CRPPA: variants seen among roughly 807,000 people sequenced by gnomAD.
CRPPA encodes the protein D-ribitol-5-phosphate cytidylyltransferase.
Under a neutral mutation model 52.0 loss-of-function variants are expected in CRPPA, and 43 were observed. The ratio of observed to expected loss-of-function variants is 0.83; its 90% CI spans 0.65 to 1.07. The LOEUF (loss-of-function observed/expected upper bound fraction) is 1.07. Ranked by LOEUF, CRPPA falls within the 50% of genes least tolerant of loss-of-function variation. The pLI, the probability that CRPPA is intolerant of heterozygous loss-of-function variation, is 0.00. For synonymous variants in CRPPA, 250 were observed against 203.5 expected, an observed-to-expected ratio of 1.23 and a Z score of -1.94; for missense variants, 629 against 551.7, an observed-to-expected ratio of 1.14 and a Z score of -1.40.
intron 9 of CRPPA, among the ~76,000 whole-genome samples, chr7:16,133,751 CA>C (rs2128373512): frequency 8.0e-6 from 1 of 124,276 alleles, no homozygotes; most frequent in East Asian, 3.5e-4. Flanking sequence ...ATGGCATTAC[CA>C]AACAAAAAAG....
At chr7:16,330,215 G>C (rs537518130) in intron 3 of CRPPA, among the ~76,000 whole-genome samples, 3 of 152,188 alleles carry the variant, frequency 2.0e-5, no homozygotes, top group Non-Finnish European at 4.4e-5. Context: ...TTTATATTTT[G>C]TAAGCTTATG....
In CRPPA at chr7:16,389,918, A is replaced by ATAT. The variant is rs1244722979; in HGVS notation, c.535-13678_535-13677insATA. On this transcript the variant is annotated intron_variant, in intron 2 of 9. Transcript: ENST00000407010. ...CAGAGAACAAGCCTAGTATACAAAA[A>ATAT]AAAAAAAAAAATATATATATATATA... Among the ~76,000 whole-genome samples, 23 of 62,996 alleles carry ATAT rather than the reference A, an allele frequency of 3.7e-4. 1 individual carries two copies. Among genetic ancestry groups the ATAT allele is most frequent in the African/African-American group, 1.6e-3 (22 of 14,176 alleles). The allele number at this position is 62,996 out of a possible 152,430, so 41.3% of individuals were successfully genotyped here.
chr7:16,219,120 A>G (rs973204751), intron 8 of CRPPA, among the ~76,000 whole-genome samples: 15 of 152,134 alleles, frequency 9.9e-5, no homozygotes, highest in Non-Finnish European at 2.9e-5. Flanking sequence ...ATCAAACTAG[A>G]ACTCAGGATT....
intron 3 of CRPPA, among the ~76,000 whole-genome samples, chr7:16,360,523 G>A (rs1198746319): frequency 6.6e-6 from 1 of 152,160 alleles, no homozygotes; most frequent in Non-Finnish European, 1.5e-5. Context: ...GTAGTAAGTA[G>A]TAGCAGTATA....
At chr7:16,199,138 G>A (rs1170984646) in intron 9 of CRPPA, among the ~76,000 whole-genome samples, 1 of 152,082 alleles carries the variant, frequency 6.6e-6, no homozygotes, top group Admixed American at 6.6e-5. Flanking sequence ...GACCCCTGAC[G>A]GCTAGTTGAG....
chr7:16,244,246 G>A (rs965480625), intron 8 of CRPPA, among the ~76,000 whole-genome samples: 6 of 151,750 alleles, frequency 4.0e-5, no homozygotes, highest in Non-Finnish European at 7.4e-5. Flanking sequence ...AATTTCCCAC[G>A]TTAAATAATC....
At chr7:16,179,636 G>C (rs1191666240) in intron 9 of CRPPA, among the ~76,000 whole-genome samples, 1 of 152,040 alleles carries the variant, frequency 6.6e-6, no homozygotes, top group Non-Finnish European at 1.5e-5. Flanking sequence ...ACTTGAGAAG[G>C]AATGCAACCT....
At chr7:16,147,317 T>G (rs769573728) in intron 9 of CRPPA, among the ~76,000 whole-genome samples, 1 of 152,210 alleles carries the variant, frequency 6.6e-6, no homozygotes, top group Non-Finnish European at 1.5e-5. Flanking sequence ...AAGGAACGCA[T>G]TTCCCTGATG....
chr7:16,286,874 T>C (rs1430258644), intron 5 of CRPPA, among the ~76,000 whole-genome samples: 1 of 152,192 alleles, frequency 6.6e-6, no homozygotes, highest in Non-Finnish European at 1.5e-5. Context: ...AGTATAGGGT[T>C]TCAGAAAAAA....
rs1783701192 is a variant in CRPPA at position 16,258,387 on chromosome 7, T to C, written c.1119+3A>G. 1.9e-6 allele frequency: 3 copies of C among 1,566,986 alleles called. No homozygotes were observed. The highest frequency in any genetic ancestry group is 4.5e-5 in the East Asian group (2 of 44,254). On this transcript the variant is annotated splice_donor_region_variant and intron_variant, in intron 8 of 9. Transcript: ENST00000407010. ...GAGAAAAATCTGCATTAATTTCACT[T>C]ACTGAAACAACAACAACAGGATATA...
chr7:16,376,273 A>C (rs1583558791), intron 2 of CRPPA, 32 bp from the exon 3 acceptor site: 2 of 1,561,376 alleles, frequency 1.3e-6, no homozygotes, highest in Non-Finnish European at 8.7e-7. Flanking sequence ...AATATATTTC[A>C]CCTACAAGCC....
At chr7:16,312,426 C>G (rs1210173927) in intron 3 of CRPPA, among the ~76,000 whole-genome samples, 1 of 151,974 alleles carries the variant, frequency 6.6e-6, no homozygotes. Flanking sequence ...CATGCTGGTA[C>G]AAACGAAAGC....
chr7:16,383,321 G>A (rs1185598482), intron 2 of CRPPA, among the ~76,000 whole-genome samples: 4 of 152,192 alleles, frequency 2.6e-5, no homozygotes, highest in Admixed American at 6.5e-5. Flanking sequence ...TTCATGAACC[G>A]CGAATGCTGC....
intron 3 of CRPPA, among the ~76,000 whole-genome samples, chr7:16,314,341 T>A (rs1051346637): frequency 4.6e-5 from 7 of 152,078 alleles, no homozygotes; most frequent in African/African-American, 1.7e-4. Flanking sequence ...ACTTGGTGAA[T>A]AGGGCAAGTG....
chr7:16,286,064 T>TTTAAAAAAAAAAAAAA (rs1562608509), intron 5 of CRPPA, among the ~76,000 whole-genome samples: 20 of 29,766 alleles, frequency 6.7e-4, no homozygotes, highest in East Asian at 1.4e-3. Context: ...TATATATATA[T>TTTAAAAAAAAAAAAAA]ATATATATAT....
intron 5 of CRPPA, among the ~76,000 whole-genome samples, chr7:16,296,235 T>C (rs1784672650): frequency 6.6e-6 from 1 of 152,108 alleles, no homozygotes. Flanking sequence ...AGACTTGCTA[T>C]CTACCACAAT....
At chr7:16,352,952 G>C (rs984651628) in intron 3 of CRPPA, among the ~76,000 whole-genome samples, 6 of 151,058 alleles carry the variant, frequency 4.0e-5, no homozygotes, top group Non-Finnish European at 8.8e-5. Flanking sequence ...GCCTGCAAAA[G>C]ACAGGAAATT....
At chr7:16,186,673 G>T (rs891992295) in intron 9 of CRPPA, among the ~76,000 whole-genome samples, 1 of 152,114 alleles carries the variant, frequency 6.6e-6, no homozygotes, top group African/African-American at 2.4e-5. Flanking sequence ...CTATCAAAAA[G>T]AAGTCTTAGC....
At chr7:16,388,678 C>T (rs1341318510) in intron 2 of CRPPA, among the ~76,000 whole-genome samples, 1 of 152,238 alleles carries the variant, frequency 6.6e-6, no homozygotes, top group East Asian at 1.9e-4. Context: ...AGTTTGAGAC[C>T]AGCCTGGCCA....
Sources: allele counts gnomAD v4.1 joint callset (sites outside exome capture counted in the v4.1 genomes callset), GRCh38; gene constraint gnomAD v4.1.1; transcripts MANE v1.5; gene names NCBI Gene and HGNC (gene_info 2026-07-23, HGNC 2026-07-21).